NOA1: variants seen among roughly 807,000 people sequenced by gnomAD.
The protein encoded by NOA1 is nitric oxide associated 1.
NOA1 carries 35 observed loss-of-function variants against 58.4 expected under a neutral mutation model. The ratio of observed to expected loss-of-function variants is 0.60; its 90% CI spans 0.46 to 0.79. The LOEUF is 0.79. Ranked by LOEUF, NOA1 falls within the 30% of genes least tolerant of loss-of-function variation. The probability of loss-of-function intolerance (pLI) is 0.00; values close to 1 mark genes in which losing one functional copy is unlikely to be tolerated. For missense variants in NOA1, 895 were observed against 894.6 expected (o/e 1.00, Z -0.01); for synonymous variants, 397 against 373.4 (o/e 1.06, Z -0.73).
intron 5 of NOA1, among the ~76,000 whole-genome samples, chr4:56,964,877 C>T (rs975586169): frequency 6.6e-6 from 1 of 152,136 alleles, no homozygotes; most frequent in Non-Finnish European, 1.5e-5. Flanking sequence ...TTCTAAGTAC[C>T]TTAGTTCTTA....
rs764012004 is a variant in NOA1 at position 56,964,486 on chromosome 4, G to A, written c.1805C>T (p.Pro602Leu). Residue 602 changes from proline (P) to leucine (L), a missense_variant, in exon 6 of 7, where the codon CCT (proline) becomes CTT (leucine). Pro to Leu is a moderately conservative substitution (Grantham distance 98). Coordinates refer to ENST00000264230, the MANE Select transcript of NOA1 (RefSeq NM_032313.4). Reference protein sequence around the residue: ...GGKERMAGFPPLVAEDIMLKE... With the variant: ...GGKERMAGFPLLVAEDIMLKE... ...TAACATAATGTCTTCAGCAACAAGA[G>A]GAGGAAATCCTGCCATTCGTTCTTT... The A allele has an allele frequency of 3.0e-5, 49 of 1,613,898 alleles. No homozygotes were observed. Among genetic ancestry groups the A allele is most frequent in the Non-Finnish European group, 4.0e-5 (47 of 1,179,976 alleles).
Position 56,977,141 on chromosome 4 carries a change from G to A in NOA1, c.445C>T (p.His149Tyr). The A allele has an allele frequency of 6.4e-7, 1 of 1,557,778 alleles. No individual in the cohort carries two copies. Among genetic ancestry groups the A allele is most frequent in the Non-Finnish European group, 8.6e-7 (1 of 1,156,282 alleles). Reference protein sequence around the residue: ...VNCSGCGAELHCQDAGVPGYL... With the variant: ...VNCSGCGAELYCQDAGVPGYL... ...CCGGGCACTCCGGCGTCCTGGCAGT[G>A]CAGCTCTGCCCCACAGCCCGAGCAG... The change falls in exon 1 of 7, where the codon CAC becomes TAC. Residue 149 changes from histidine to tyrosine, a missense_variant. His to Tyr is a moderately conservative substitution (Grantham distance 83, BLOSUM62 2). Transcript: ENST00000264230.
Position 56,966,600 on chromosome 4 carries a change from A to G in NOA1, c.1764+20T>C, listed in dbSNP as rs111815315. ...AGTGTATACTAACCATAACCATGCA[A>G]TCAAGGCATGTTGCCTTACCTGGAG... On this transcript the variant is annotated intron_variant, in intron 5 of 6. Coordinates refer to ENST00000264230, the MANE Select transcript of NOA1 (RefSeq NM_032313.4). The G allele has an allele frequency of 1.8e-4, 250 of 1,423,592 alleles. 2 individuals are homozygous for G. In the African/African-American group the frequency reaches 2.9e-3, roughly 17 times the overall value. The allele number at this position is 1,423,592 out of a possible 1,614,324, so 88.2% of individuals were successfully genotyped here.
intron 5 of NOA1, among the ~76,000 whole-genome samples, chr4:56,964,761 C>T (rs1721667538): frequency 6.6e-6 from 1 of 152,126 alleles, no homozygotes; most frequent in Non-Finnish European, 1.5e-5. Flanking sequence ...TGGGCAAGCA[C>T]CTGGCAGAAG....
Position 56,969,343 on chromosome 4 carries a change from C to A in NOA1, c.1516-828G>T, listed in dbSNP as rs930748731. On this transcript the variant is annotated intron_variant, in intron 3 of 6. Transcript: ENST00000264230. ...ATCCCAGCACTTTGGGAGGCTAAGG[C>A]GGGCAGATCACCTGAGGTCAGGAGT... Among the ~76,000 whole-genome samples, 5 of 152,290 alleles carry A rather than the reference C, an allele frequency of 3.3e-5. No individual in the cohort carries two copies. The East Asian group carries it at 9.7e-4, about 29-fold the overall frequency.
chr4:56,964,828 C>A (rs1056053145), intron 5 of NOA1, among the ~76,000 whole-genome samples: 3 of 152,110 alleles, frequency 2.0e-5, no homozygotes, highest in Non-Finnish European at 2.9e-5. Flanking sequence ...CTCCACAGGG[C>A]CTCACATAGA....
intron 4 of NOA1, among the ~76,000 whole-genome samples, chr4:56,967,019 A>G (rs1249548657): frequency 1.3e-5 from 2 of 152,158 alleles, no homozygotes; most frequent in Non-Finnish European, 2.9e-5. Context: ...AGGAAATACT[A>G]TCTGCTTTAA....
rs761137991 is a variant in NOA1 at position 56,976,893 on chromosome 4, C to T, written c.693G>A (p.Leu231=). Residue 231 remains leucine (L), a synonymous_variant, in exon 1 of 7, where the codon CTG becomes CTA. Coordinates refer to ENST00000264230, the MANE Select transcript of NOA1 (RefSeq NM_032313.4). ...VDLLDLPDAL[L]PDLPALVGPK... ...GGCCCACCAGCGCGGGCAAGTCGGG[C>T]AGCAGGGCGTCGGGCAGGTCCAGCA... 6.2e-7 allele frequency: 1 copy of T among 1,612,878 alleles called. No individual in the cohort carries two copies. Among genetic ancestry groups the T allele is most frequent in the Non-Finnish European group, 8.5e-7 (1 of 1,179,822 alleles).
rs79215345 is a variant in NOA1, at chr4:56,971,974, C to T, written c.1515+1174G>A. On this transcript the variant is annotated intron_variant, in intron 3 of 6. Coordinates refer to ENST00000264230, the MANE Select transcript of NOA1 (RefSeq NM_032313.4). ...CACGATCTCAGCTCACTGCAAGCTC[C>T]GCCTCCCGGGTTCACACCATTCTCC... Among the ~76,000 whole-genome samples, 38 of 151,912 alleles carry T rather than the reference C, an allele frequency of 2.5e-4. No individual in the cohort carries two copies. The East Asian group carries it at 6.4e-3, about 26-fold the overall frequency.
Position 56,976,595 on chromosome 4 carries a change from G to A in NOA1, c.991C>T (p.Leu331Phe). 1.9e-6 allele frequency: 3 copies of A among 1,614,238 alleles called. No homozygotes were observed. Among genetic ancestry groups the A allele is most frequent in the East Asian group, 2.2e-5 (1 of 44,866 alleles). The change falls in exon 1 of 7, where the codon CTT becomes TTT. Residue 331 changes from leucine to phenylalanine, a missense_variant. This residue lies in a region of NOA1 where 680 missense variants were observed against 656.5 expected (regional missense o/e 1.04). Transcript: ENST00000264230. ...GYGVEELISA[L>F]QRSWRYRGDV... ...CCACGGTAGCGCCAGGAGCGCTGAA[G>A]GGCAGAGATCAACTCTTCCACTCCA...
intron 1 of NOA1, among the ~76,000 whole-genome samples, chr4:56,975,289 C>T (rs555527826): frequency 1.3e-5 from 2 of 151,326 alleles, no homozygotes; most frequent in South Asian, 4.3e-4. Flanking sequence ...TCCCAAAGTG[C>T]TAGAATTACA....
chr4:56,963,595 G>C lies in NOA1; in HGVS notation c.1952C>G (p.Thr651Arg). The C allele has an allele frequency of 6.2e-7, 1 of 1,614,126 alleles. No individual in the cohort carries two copies. Among genetic ancestry groups the C allele is most frequent in the Non-Finnish European group, 8.5e-7 (1 of 1,180,024 alleles). ...GAGAGGGGGCCGGACGGTCAAAACT[G>C]TTCCTTCAGGTGTATAGCCTCGGAG... ...LHLRGYTPEG[T>R]VLTVRPPLLP... Residue 651 changes from threonine (T) to arginine (R), a missense_variant, in exon 7 of 7, where the codon ACA becomes AGA. Thr to Arg is a moderately conservative substitution (Grantham distance 71). Around this residue, in one of 3 missense-constraint regions of NOA1, gnomAD observed 212 missense variants for 221.3 expected, o/e 0.96. Transcript: ENST00000264230.
In NOA1 at chr4:56,977,124, T is replaced by TG. The variant is rs1424586614; in HGVS notation, c.461_462insC (p.Val155SerfsTer202). ...TCTCTCGGGGCAGGTAGCCGGGCAC[T>TG]CCGGCGTCCTGGCAGTGCAGCTCTG... On this transcript the variant is annotated frameshift_variant, in exon 1 of 7. Coordinates refer to ENST00000264230, the MANE Select transcript of NOA1 (RefSeq NM_032313.4). LOFTEE classifies it high-confidence loss of function. 5.1e-6 allele frequency: 8 copies of TG among 1,555,056 alleles called. No individual in the cohort carries two copies. In the African/African-American group the frequency reaches 1.1e-4, roughly 21 times the overall value.
chr4:56,967,665 C>A (rs148983578), intron 4 of NOA1, among the ~76,000 whole-genome samples: 61 of 152,140 alleles, frequency 4.0e-4, no homozygotes, highest in African/African-American at 1.4e-3. Flanking sequence ...GCTATATAAA[C>A]GAATACCAAA....
chr4:56,977,014 G>A lies in NOA1; in HGVS notation c.572C>T (p.Ala191Val). ...CTCGCGGCTCACCTGCAGGCGTAGA[G>A]CGCGCCGGTGGTGCGACAGCAGCCA... ...RCWLLSHHRR[A>V]LRLQVSREQY... The change falls in exon 1 of 7, where the codon GCT becomes GTT. Residue 191 changes from alanine (A) to valine (V), a missense_variant. By Grantham distance (64) the Ala-to-Val change is moderately conservative. Around this residue, in one of 3 missense-constraint regions of NOA1, gnomAD observed 680 missense variants for 656.5 expected, o/e 1.04. Coordinates refer to ENST00000264230, the MANE Select transcript of NOA1 (RefSeq NM_032313.4). 1 of 1,591,448 alleles carries A rather than the reference G, an allele frequency of 6.3e-7. No homozygotes were observed. The highest frequency in any genetic ancestry group is 8.5e-7 in the Non-Finnish European group (1 of 1,173,838).
chr4:56,971,315 CAAAAAA>C (rs35120609), intron 3 of NOA1, among the ~76,000 whole-genome samples: 32 of 53,306 alleles, frequency 6.0e-4, no homozygotes, highest in African/African-American at 1.8e-3. Flanking sequence ...GACTCCATCT[CAAAAAA>C]AAAAAAAAAA....
chr4:56,968,812 C>A (rs1173693192), intron 3 of NOA1, among the ~76,000 whole-genome samples: 2 of 152,160 alleles, frequency 1.3e-5, no homozygotes, highest in East Asian at 3.8e-4. Context: ...TTAATGTGAA[C>A]CTGAAAACAT....
In NOA1 at chr4:56,973,906, G is replaced by T; in HGVS notation, c.1261C>A (p.Gln421Lys). The change falls in exon 2 of 7, where the codon CAA becomes AAA. Residue 421 changes from glutamine to lysine, a missense_variant. Physicochemically the swap from Gln to Lys is moderately conservative, Grantham distance 53. Transcript: ENST00000264230. ...AGGACATTAAGCTGATTTTGTTCTT[G>T]CTCACTAAGATCTTCTTCAGCTTGA... Reference protein sequence around the residue: ...STQAEEDLSEQEQNQLNVLKK... With the variant: ...STQAEEDLSEKEQNQLNVLKK... 1 of 1,614,098 alleles carries T rather than the reference G, an allele frequency of 6.2e-7. No individual in the cohort carries two copies. Among genetic ancestry groups the T allele is most frequent in the South Asian group, 1.1e-5 (1 of 91,078 alleles).
rs543919698 is a variant in NOA1 at position 56,964,988 on chromosome 4, A to G, written c.1765-462T>C. Among the ~76,000 whole-genome samples the G allele has an allele frequency of 4.7e-5, 7 of 148,792 alleles. No individual in the cohort carries two copies. The South Asian group carries it at 1.1e-3, about 23-fold the overall frequency. ...TATGTTTACAGGTGTTTCCACGATTAGAAGTAATTGAGTAATTTTTTTTTT... is the reference window on the plus strand; with the variant it reads ...TATGTTTACAGGTGTTTCCACGATTGGAAGTAATTGAGTAATTTTTTTTTT... On this transcript the variant is annotated intron_variant, in intron 5 of 6. Coordinates refer to ENST00000264230, the MANE Select transcript of NOA1 (RefSeq NM_032313.4).
Sources: gnomAD v4.1 joint callset for allele counts (sites outside exome capture counted in the v4.1 genomes callset) on GRCh38, gnomAD v4.1.1 for gene constraint, gnomAD v4.1.1 regional missense constraint, MANE v1.5 for transcripts, NCBI Gene and HGNC (gene_info 2026-07-23, HGNC 2026-07-21) for gene names.